The following IFT74 variants were observed in gnomAD, a reference collection of about 807,000 sequenced individuals.
IFT74 encodes intraflagellar transport protein 74 homolog.
Under a neutral mutation model 96.7 loss-of-function variants are expected in IFT74, and 92 were observed. That is an observed-to-expected ratio of 0.95 (90% CI 0.80 to 1.13). IFT74 has a LOEUF of 1.13. Among genes scored for constraint, IFT74 ranks in the 50% most tolerant of loss-of-function variants. The pLI, the probability that IFT74 is intolerant of heterozygous loss-of-function variation, is 0.00. For missense variants in IFT74, 811 were observed against 698.2 expected (o/e 1.16, Z -1.82); for synonymous variants, 223 against 213.2 (o/e 1.05, Z -0.40).
chr9:27,004,229 T>A (rs1444652411), intron 8 of IFT74, among the ~76,000 whole-genome samples: 2 of 152,230 alleles, frequency 1.3e-5, no homozygotes, highest in Non-Finnish European at 2.9e-5. Context: ...TATTTAATGC[T>A]AATAATTGTT....
intron 1 of IFT74, among the ~76,000 whole-genome samples, chr9:26,957,360 A>G (rs1826158410): frequency 6.6e-6 from 1 of 152,208 alleles, no homozygotes; most frequent in African/African-American, 2.4e-5. Context: ...AGAGATGTTT[A>G]TTGTACTCGT....
chr9:27,063,432 CT>C lies in IFT74; in HGVS notation c.*697del, dbSNP rs1225384060. On this transcript the variant is annotated 3_prime_UTR_variant, in exon 20 of 20. Transcript: ENST00000380062. ...TGCCACCCTGCAGTATGCATTTACTCTCTTGTACTATTAGGAGAACTTAAGT... is the reference window on the plus strand; with the variant it reads ...TGCCACCCTGCAGTATGCATTTACTCCTTGTACTATTAGGAGAACTTAAGT... Among the ~76,000 whole-genome samples, 1 of 152,036 alleles carries C rather than the reference CT, an allele frequency of 6.6e-6. No individual in the cohort carries two copies. Among genetic ancestry groups the C allele is most frequent in the East Asian group, 1.9e-4 (1 of 5,190 alleles).
upstream of IFT74, among the ~76,000 whole-genome samples, chr9:26,951,903 A>G (rs992117894): frequency 6.6e-6 from 1 of 152,226 alleles, no homozygotes; most frequent in Non-Finnish European, 1.5e-5. Flanking sequence ...CTCAAAAAAA[A>G]ACAAGTGAAA....
chr9:27,048,297 A>G, intron 16 of IFT74, 23 bp downstream of exon 16: 1 of 1,516,562 alleles, frequency 6.6e-7, no homozygotes, highest in Non-Finnish European at 8.9e-7. Context: ...CCTAGATTTT[A>G]ATATTCTTTT....
At chr9:26,979,251 A>G (rs373384741) in intron 3 of IFT74, among the ~76,000 whole-genome samples, 5 of 152,206 alleles carry the variant, frequency 3.3e-5, no homozygotes, top group African/African-American at 7.2e-5. Context: ...TGTTTGCTTA[A>G]TGATTATCAG....
intron 1 of IFT74, among the ~76,000 whole-genome samples, chr9:26,958,423 G>A (rs1233235153): frequency 6.6e-6 from 1 of 152,172 alleles, no homozygotes; most frequent in East Asian, 1.9e-4. Flanking sequence ...CACTTAAGAG[G>A]CTGGTATAAT....
intron 9 of IFT74, among the ~76,000 whole-genome samples, chr9:27,010,051 C>A (rs1828981246): frequency 6.6e-6 from 1 of 150,640 alleles, no homozygotes; most frequent in African/African-American, 2.4e-5. Flanking sequence ...GTGCAGTGCC[C>A]ATCTCGGCTC....
chr9:26,995,817 G>A, intron 8 of IFT74: 1 of 1,604,990 alleles, frequency 6.2e-7, no homozygotes, highest in South Asian at 1.1e-5. Context: ...ACACCAACAA[G>A]AAAAGCCCAA....
At chr9:26,961,047 TG>T (rs1422184665) in intron 1 of IFT74, among the ~76,000 whole-genome samples, 2 of 151,114 alleles carry the variant, frequency 1.3e-5, no homozygotes, top group East Asian at 3.9e-4. Flanking sequence ...AAGGCAATAT[TG>T]TTGCATTCCC....
At chr9:26,961,126 T>C (rs1826337861) in intron 1 of IFT74, among the ~76,000 whole-genome samples, 1 of 148,414 alleles carries the variant, frequency 6.7e-6, no homozygotes. Context: ...AGTCTCGCTG[T>C]GTCGCCCAGG....
chr9:26,986,169 A>T (rs576056285), intron 6 of IFT74, among the ~76,000 whole-genome samples: 1 of 152,220 alleles, frequency 6.6e-6, no homozygotes, highest in Non-Finnish European at 1.5e-5. Context: ...ACATTCTATC[A>T]TAATGGTTAG....
chr9:27,030,103 T>A (rs557429485), intron 13 of IFT74, among the ~76,000 whole-genome samples: 2 of 152,274 alleles, frequency 1.3e-5, no homozygotes, highest in East Asian at 3.9e-4. Context: ...TTCTCCCTAA[T>A]AAGAAAGATA....
chr9:27,001,925 A>G (rs1021223178), intron 8 of IFT74, among the ~76,000 whole-genome samples: 2 of 148,074 alleles, frequency 1.4e-5, no homozygotes, highest in Admixed American at 6.9e-5. Context: ...CAATTCTCCA[A>G]CGTTTTCTTT....
intron 18 of IFT74, among the ~76,000 whole-genome samples, chr9:27,057,354 T>C (rs1362994189): frequency 6.6e-6 from 1 of 152,138 alleles, no homozygotes; most frequent in Non-Finnish European, 1.5e-5. Flanking sequence ...ACAGAGACAA[T>C]GTCTGTCTCG....
Position 27,049,729 on chromosome 9 carries a change from A to G in IFT74, c.1333+1455A>G, listed in dbSNP as rs181919881. ...TATGATAGAAGTAAGCATAAGGAGC[A>G]ACGGAAGTACATAGGGCACATATCC... On this transcript the variant is annotated intron_variant, in intron 16 of 19. Coordinates refer to ENST00000380062, the MANE Select transcript of IFT74 (RefSeq NM_025103.4). 1.2e-4 allele frequency among the ~76,000 whole-genome samples: 19 copies of G among 152,338 alleles called. No individual in the cohort carries two copies. In the East Asian group the frequency reaches 3.7e-3, roughly 29 times the overall value.
chr9:27,009,051 G>C lies in IFT74; in HGVS notation c.619G>C (p.Glu207Gln). ...AAAACAAATCAGAAGTGTCGAAGAA[G>C]AAATTGAACAGGAAAAACAAGCAAC... ...KEKQIRSVEE[E>Q]IEQEKQATDD... Residue 207 changes from glutamate to glutamine, a missense_variant, in exon 9 of 20, where the codon GAA becomes CAA. By Grantham distance (29) the Glu-to-Gln change is conservative. Transcript: ENST00000380062. 1.2e-6 allele frequency: 2 copies of C among 1,613,050 alleles called. No homozygotes were observed. The highest frequency in any genetic ancestry group is 2.2e-5 in the East Asian group (1 of 44,750).
At chr9:27,010,503 T>G (rs1829010686) in intron 9 of IFT74, among the ~76,000 whole-genome samples, 1 of 150,864 alleles carries the variant, frequency 6.6e-6, no homozygotes, top group Non-Finnish European at 1.5e-5. Context: ...TTTTTTGTTT[T>G]TTTTGAGACG....
intron 1 of IFT74, among the ~76,000 whole-genome samples, chr9:26,948,761 C>T (rs1825843300): frequency 1.3e-5 from 2 of 152,088 alleles, no homozygotes; most frequent in Admixed American, 6.6e-5. Context: ...CCACGCCTGG[C>T]CGGCTTTCCA....
chr9:26,947,122 G>T, exon 1 of IFT74: 4 of 1,392,910 alleles, frequency 2.9e-6, no homozygotes, highest in Non-Finnish European at 3.7e-6. Context: ...AGAGCGCCGG[G>T]CCGCGGCGGG....
Sources: allele counts gnomAD v4.1 joint callset (sites outside exome capture counted in the v4.1 genomes callset), GRCh38; gene constraint gnomAD v4.1.1; transcripts MANE v1.5; gene names NCBI Gene and HGNC (gene_info 2026-07-23, HGNC 2026-07-21).